Variants in TERF2 observed in about 807,000 individuals in gnomAD.
TERF2 encodes telomeric repeat-binding factor 2.
In TERF2, 16 loss-of-function variants were observed where a neutral mutation model predicts 56.1. That is an observed-to-expected ratio of 0.29 (90% CI 0.19 to 0.43). TERF2 has a LOEUF of 0.43. TERF2 is among the 20% of genes least tolerant of loss of function. The pLI is 1.00. For missense variants in TERF2, 547 were observed against 712.9 expected, an observed-to-expected ratio of 0.77 and a Z score of 2.65; for synonymous variants, 296 against 282.1, an observed-to-expected ratio of 1.05 and a Z score of -0.50.
At chr16:69,362,827 T>A (rs1380236294) in intron 7 of TERF2, among the ~76,000 whole-genome samples, 1 of 152,208 alleles carries the variant, frequency 6.6e-6, no homozygotes, top group Non-Finnish European at 1.5e-5. Context: ...GAGGAATTTA[T>A]ATAAATCAAA....
intron 3 of TERF2, among the ~76,000 whole-genome samples, chr16:69,374,697 G>A (rs2013707893): frequency 7.7e-6 from 1 of 129,328 alleles, no homozygotes; most frequent in African/African-American, 2.9e-5. Context: ...GCCAGGCGCA[G>A]TGGCTCGCGC....
Position 69,367,136 on chromosome 16 carries a change from C to A in TERF2, c.1011G>T (p.Leu337=), listed in dbSNP as rs780707626. The A allele has an allele frequency of 6.2e-7, 1 of 1,614,178 alleles. No homozygotes were observed. The highest frequency in any genetic ancestry group is 8.5e-7 in the Non-Finnish European group (1 of 1,180,044). ...MMTLKAAFKT[L]SGAQDSEAAF... The stretch of plus-strand genomic sequence containing the variant: ...CTGCCTCAGAATCCTGTGCACCAGA[C>A]AGAGTCTTGAAAGCTGCTTTCAGAG... The change falls in exon 7 of 10, where the codon CTG becomes CTT. Residue 337 remains leucine, a synonymous_variant. Transcript: ENST00000254942.
rs1338116480 is a variant in TERF2, at chr16:69,370,731, G to A, written c.694-102C>T. On this transcript the variant is annotated intron_variant, in intron 4 of 9. Transcript: ENST00000254942. ...ACACTATGAGAACTTCTGCAATGCC[G>A]TCAATGCAAATCACTGGCACACATA... is the stretch of plus-strand genomic sequence containing the variant. 2.9e-5 allele frequency: 34 copies of A among 1,181,606 alleles called. 2 individuals carry two copies. The highest frequency in any genetic ancestry group is 2.9e-4 in the South Asian group (19 of 66,096). The allele number at this position is 1,181,606 out of a possible 1,614,324, so 73.2% of individuals were successfully genotyped here.
At chr16:69,385,560 G>GGC in intron 1 of TERF2, 33 bp downstream of exon 1, 1 of 1,517,802 alleles carries the variant, frequency 6.6e-7, no homozygotes, top group Non-Finnish European at 9.1e-7. Flanking sequence ...CTTCCCCGGC[G>GGC]CTCCAACCCC....
Position 69,385,638 on chromosome 16 carries a change from C to T in TERF2, c.334G>A (p.Gly112Ser). The change falls in exon 1 of 10, where the codon GGT (glycine) becomes AGT (serine). Residue 112 changes from glycine (G) to serine (S), a missense_variant. Gly to Ser is a moderately conservative substitution (Grantham distance 56). Around this residue, in one of 6 missense-constraint regions of TERF2, gnomAD observed 120 missense variants for 172.4 expected, o/e 0.70. Coordinates refer to ENST00000254942, the MANE Select transcript of TERF2 (RefSeq NM_005652.5). The part of the protein sequence containing the change: ...YFHEALRAFR[G>S]SRYGDFRQIR... ...TGTCTGAAGTCCCCGTACCGGCTACCCCGAAAGGCCCGCAGCGCCTCGTGG... is the reference window on the plus strand; with the variant it reads ...TGTCTGAAGTCCCCGTACCGGCTACTCCGAAAGGCCCGCAGCGCCTCGTGG... 1 of 1,611,834 alleles carries T rather than the reference C, an allele frequency of 6.2e-7. No individual in the cohort carries two copies. Among genetic ancestry groups the T allele is most frequent in the Non-Finnish European group, 8.5e-7 (1 of 1,179,568 alleles).
chr16:69,377,249 G>GT (rs2013828512), intron 3 of TERF2, among the ~76,000 whole-genome samples: 2 of 151,844 alleles, frequency 1.3e-5, no homozygotes, highest in Admixed American at 6.6e-5. Flanking sequence ...GACTGGAATT[G>GT]TATTAACTCT....
chr16:69,373,667 C>T (rs940307664), intron 3 of TERF2, among the ~76,000 whole-genome samples: 1 of 152,014 alleles, frequency 6.6e-6, no homozygotes, highest in South Asian at 2.1e-4. Context: ...CCCTGTCTCT[C>T]CCCCAAAAAA....
intron 3 of TERF2, among the ~76,000 whole-genome samples, chr16:69,382,316 A>G (rs1398938122): frequency 6.6e-6 from 1 of 152,256 alleles, no homozygotes; most frequent in African/African-American, 2.4e-5. Context: ...CACTGAACCT[A>G]GGCGTCTGTA....
Position 69,366,983 on chromosome 16 carries a change from AC to A in TERF2, c.1163del (p.Gly388ValfsTer12). On this transcript the variant is annotated frameshift_variant, in exon 7 of 10. Transcript: ENST00000254942. LOFTEE classifies it high-confidence loss of function. ...NESSAPADGE[G>X]GSELQPKNKR... ...TGTTCTTGGGCTGCAGTTCCGAGCC[AC>A]CCTCACCGTCAGCCGGGGCTGAACT... The A allele has an allele frequency of 1.2e-6, 2 of 1,613,990 alleles. No homozygotes were observed. Among genetic ancestry groups the A allele is most frequent in the Non-Finnish European group, 1.7e-6 (2 of 1,180,010 alleles).
At chr16:69,378,201 T>C (rs1449163837) in intron 3 of TERF2, among the ~76,000 whole-genome samples, 3 of 152,218 alleles carry the variant, frequency 2.0e-5, no homozygotes, top group Non-Finnish European at 2.9e-5. Context: ...GATTTTCAAA[T>C]ACTGAAGCAG....
chr16:69,362,306 TCTAA>T (rs766984788), intron 7 of TERF2, among the ~76,000 whole-genome samples: 6 of 152,028 alleles, frequency 3.9e-5, no homozygotes, highest in Non-Finnish European at 8.8e-5. Flanking sequence ...TGAAGCCTCC[TCTAA>T]CTACCAACCA....
At chr16:69,372,443 C>G in intron 3 of TERF2, 88 bp from the exon 4 acceptor site, 1 of 873,378 alleles carries the variant, frequency 1.1e-6, no homozygotes, top group South Asian at 1.6e-5. Context: ...TCTCTCACAT[C>G]ATATCAAATT....
intron 4 of TERF2, 142 bp from the exon 5 acceptor site, chr16:69,370,771 C>T (rs1045488488): frequency 2.5e-6 from 2 of 795,430 alleles, no homozygotes; most frequent in African/African-American, 3.5e-5. Context: ...AAGGGAAGCC[C>T]AACACAAAGG....
chr16:69,375,031 T>C (rs182718055), intron 3 of TERF2, among the ~76,000 whole-genome samples: 2 of 152,296 alleles, frequency 1.3e-5, no homozygotes, highest in East Asian at 3.9e-4. Flanking sequence ...GCCTTGAGCT[T>C]GGCTCCTTTC....
At position 69,370,642 on chromosome 16, in the gene TERF2, C is replaced by T. The variant is rs763586360; in HGVS notation, c.694-13G>A. 6 of 1,589,676 alleles carry T rather than the reference C, an allele frequency of 3.8e-6. No individual in the cohort carries two copies. The East Asian group carries it at 1.1e-4, about 30-fold the overall frequency. The stretch of plus-strand genomic sequence containing the variant: ...CATTTCTCAGCTTCTACACAATGGA[C>T]CGATATTTGCAACATGAGAAAGTAG... On this transcript the variant is annotated splice_polypyrimidine_tract_variant and intron_variant, in intron 4 of 9. Transcript: ENST00000254942.
intron 2 of TERF2, among the ~76,000 whole-genome samples, chr16:69,385,070 C>T (rs570539075): frequency 2.6e-5 from 4 of 152,228 alleles, no homozygotes; most frequent in African/African-American, 9.6e-5. Context: ...TGTCAGAGTA[C>T]TTCCACTCTG....
rs754418232 is a variant in TERF2 at position 69,368,446 on chromosome 16, A to C, written c.877T>G (p.Ser293Ala). 1.2e-6 allele frequency: 2 copies of C among 1,614,134 alleles called. No homozygotes were observed. The highest frequency in any genetic ancestry group is 1.7e-6 in the Non-Finnish European group (2 of 1,180,004). The change falls in exon 6 of 10, where the codon TCA becomes GCA. Residue 293 changes from serine to alanine, a missense_variant. Ser to Ala is a moderately conservative substitution (Grantham distance 99). Around this residue, in one of 6 missense-constraint regions of TERF2, gnomAD observed 211 missense variants for 236.8 expected, o/e 0.89. Coordinates refer to ENST00000254942, the MANE Select transcript of TERF2 (RefSeq NM_005652.5). ...TGTTTATCTTCCTTCCCTGTACTTG[A>C]GGCAGCGGACTCAGATTTCAAAGCC... is the stretch of plus-strand genomic sequence containing the variant. The part of the protein sequence containing the change: ...KKALKSESAA[S>A]STGKEDKQPA...
chr16:69,380,531 G>T (rs1300912953), intron 3 of TERF2, among the ~76,000 whole-genome samples: 1 of 151,176 alleles, frequency 6.6e-6, no homozygotes, highest in Admixed American at 6.6e-5. Context: ...GGTGGTGGGC[G>T]CCTGTAATAA....
chr16:69,357,083 TACC>T, intron 9 of TERF2, 27 bp from the exon 10 acceptor site: 1 of 1,596,738 alleles, frequency 6.3e-7, no homozygotes, highest in African/African-American at 1.3e-5. Flanking sequence ...AAAGATTTAT[TACC>T]ACCTTTCCTC....
Sources: allele counts gnomAD v4.1 joint callset (sites outside exome capture counted in the v4.1 genomes callset), GRCh38; gene constraint gnomAD v4.1.1; regional missense constraint gnomAD v4.1.1; transcripts MANE v1.5; gene names NCBI Gene and HGNC (gene_info 2026-07-23, HGNC 2026-07-21).